Variants in PCDH15 observed in about 807,000 individuals in gnomAD.
PCDH15 encodes the protein protocadherin related 15, also known as protocadherin-15.
A neutral mutation model predicts 178.5 loss-of-function variants in PCDH15; 129 were observed. The observed-to-expected ratio is 0.72, with a 90% CI of 0.63 to 0.84. PCDH15 has a LOEUF of 0.84. PCDH15 is among the 40% of genes least tolerant of loss of function. The pLI is 0.00. For missense variants in PCDH15, 2,230 were observed against 2,099.9 expected, an observed-to-expected ratio of 1.06 and a Z score of -1.21; for synonymous variants, 800 against 732.0, an observed-to-expected ratio of 1.09 and a Z score of -1.50.
At chr10:54,496,041 CA>C (rs1356231044) in intron 3 of PCDH15, among the ~76,000 whole-genome samples, 1 of 152,066 alleles carries the variant, frequency 6.6e-6, no homozygotes, top group African/African-American at 2.4e-5. Flanking sequence ...TTGTTTCTCA[CA>C]GGGGAAATAT....
chr10:54,562,496 G>A (rs538905496), intron 2 of PCDH15, among the ~76,000 whole-genome samples: 1 of 152,180 alleles, frequency 6.6e-6, no homozygotes, highest in East Asian at 1.9e-4. Context: ...GTCTCTCATG[G>A]CATACAAAGT....
intron 18 of PCDH15, among the ~76,000 whole-genome samples, chr10:54,055,511 C>A (rs1264379229): frequency 2.6e-5 from 4 of 152,102 alleles, no homozygotes; most frequent in African/African-American, 9.7e-5. Flanking sequence ...TGCATTTGTG[C>A]AAGCATTTAT....
intron 2 of PCDH15, among the ~76,000 whole-genome samples, chr10:55,393,953 G>A (rs1837860991): frequency 6.6e-6 from 1 of 152,094 alleles, no homozygotes; most frequent in South Asian, 2.1e-4. Flanking sequence ...CATTTCACAT[G>A]TGCTTGCCTC....
At chr10:55,608,898 T>C (rs976857335) in intron 2 of PCDH15, among the ~76,000 whole-genome samples, 1 of 151,950 alleles carries the variant, frequency 6.6e-6, no homozygotes, top group Admixed American at 6.6e-5. Flanking sequence ...GATCCTTTCC[T>C]GAGGAAGGAA....
chr10:54,974,612 C>T (rs559135570), intron 2 of PCDH15, among the ~76,000 whole-genome samples: 14 of 151,860 alleles, frequency 9.2e-5, no homozygotes, highest in Middle Eastern at 3.4e-3. Flanking sequence ...ATTGAAATTC[C>T]CTGGCCTTCT....
intron 2 of PCDH15, among the ~76,000 whole-genome samples, chr10:55,429,514 T>C (rs1048076047): frequency 6.6e-6 from 1 of 152,176 alleles, no homozygotes; most frequent in Admixed American, 6.5e-5. Context: ...TTATAAGATT[T>C]TTATCTTTAC....
At chr10:53,968,402 C>G (rs941798300) in intron 21 of PCDH15, among the ~76,000 whole-genome samples, 1 of 152,324 alleles carries the variant, frequency 6.6e-6, no homozygotes, top group East Asian at 1.9e-4. Context: ...GCCTGCCTGC[C>G]TCTGTAGACT....
chr10:55,003,751 C>T (rs545508908), intron 2 of PCDH15, among the ~76,000 whole-genome samples: 2 of 152,288 alleles, frequency 1.3e-5, no homozygotes, highest in Admixed American at 6.5e-5. Flanking sequence ...CTGCTGTTAA[C>T]TTTATGGAGC....
intron 2 of PCDH15, among the ~76,000 whole-genome samples, chr10:55,377,280 C>T (rs982675277): frequency 1.3e-5 from 2 of 151,708 alleles, no homozygotes; most frequent in Non-Finnish European, 2.9e-5. Flanking sequence ...AGCAGTTTGA[C>T]TTGCTATATG....
chr10:54,487,410 T>G (rs1265927694), intron 3 of PCDH15, among the ~76,000 whole-genome samples: 4 of 152,018 alleles, frequency 2.6e-5, no homozygotes, highest in African/African-American at 9.7e-5. Context: ...GTTATTCTGG[T>G]GACGGATACA....
intron 21 of PCDH15, among the ~76,000 whole-genome samples, chr10:53,972,448 T>C (rs2089799733): frequency 1.3e-5 from 2 of 152,038 alleles, no homozygotes; most frequent in Non-Finnish European, 2.9e-5. Context: ...TGGATCTAAT[T>C]AAACTAAAGA....
At chr10:55,596,476 A>G (rs1311856765) in intron 2 of PCDH15, among the ~76,000 whole-genome samples, 1 of 152,118 alleles carries the variant, frequency 6.6e-6, no homozygotes, top group African/African-American at 2.4e-5. Context: ...AGGGAAAGTC[A>G]CTTCACTTCT....
intron 1 of PCDH15, among the ~76,000 whole-genome samples, chr10:54,728,765 A>G (rs574198870): frequency 2.0e-5 from 3 of 151,722 alleles, no homozygotes; most frequent in African/African-American, 7.2e-5. Flanking sequence ...AAATTGTAGC[A>G]TTTCTATACA....
intron 8 of PCDH15, among the ~76,000 whole-genome samples, chr10:54,315,818 G>A (rs1427869613): frequency 3.9e-5 from 6 of 152,078 alleles, no homozygotes; most frequent in South Asian, 2.1e-4. Context: ...CAGCTTTGTC[G>A]AAGGGCAGAT....
intron 8 of PCDH15, among the ~76,000 whole-genome samples, chr10:54,273,500 G>A (rs2058167806): frequency 1.3e-5 from 2 of 151,680 alleles, no homozygotes; most frequent in African/African-American, 4.8e-5. Context: ...ATGAAAAGGG[G>A]GTCAGCACTT....
chr10:54,242,133 TATATA>T (rs2055401874), intron 8 of PCDH15, among the ~76,000 whole-genome samples: 3 of 3,090 alleles, frequency 9.7e-4, no homozygotes, highest in Admixed American at 3.8e-3. Flanking sequence ...TCTATTTTTA[TATATA>T]TATATATATA....
chr10:54,779,659 A>C (rs551447179), intron 1 of PCDH15, among the ~76,000 whole-genome samples: 14 of 151,526 alleles, frequency 9.2e-5, no homozygotes, highest in African/African-American at 3.4e-4. Context: ...TGAACACAGC[A>C]GAGAGTTAGC....
intron 1 of PCDH15, among the ~76,000 whole-genome samples, chr10:55,248,953 A>G (rs1272746802): frequency 4.6e-5 from 7 of 152,194 alleles, no homozygotes; most frequent in Non-Finnish European, 7.3e-5. Flanking sequence ...TAAGATTTAT[A>G]TGGATGAGGG....
At chr10:55,536,742 G>A (rs1047747640) in intron 2 of PCDH15, among the ~76,000 whole-genome samples, 2 of 152,014 alleles carry the variant, frequency 1.3e-5, no homozygotes, top group Non-Finnish European at 2.9e-5. Context: ...AGAAATTTAA[G>A]TACTTTCTGA....
Sources: allele counts gnomAD v4.1 joint callset (sites outside exome capture counted in the v4.1 genomes callset), GRCh38; gene constraint gnomAD v4.1.1; transcripts MANE v1.5; gene names NCBI Gene and HGNC (gene_info 2026-07-23, HGNC 2026-07-21).